SPAG17: variants seen among roughly 807,000 people sequenced by gnomAD.
SPAG17 encodes sperm associated antigen 17, also known as sperm-associated antigen 17.
In SPAG17, 169 loss-of-function variants were observed where a neutral mutation model predicts 273.6. That is an observed-to-expected ratio of 0.62 (90% CI 0.55 to 0.70). The LOEUF (loss-of-function observed/expected upper bound fraction) is 0.70, where lower values mean the gene tolerates loss of function less well. Among genes scored for constraint, SPAG17 ranks in the 30% least tolerant of loss-of-function variants. The pLI, the probability that SPAG17 is intolerant of heterozygous loss-of-function variation, is 0.00. For missense variants in SPAG17, 2,557 were observed against 2,627.8 expected (o/e 0.97, Z 0.59); for synonymous variants, 825 against 873.2 (o/e 0.94, Z 0.97).
rs1003955600 is a variant in SPAG17 at position 118,028,313 on chromosome 1, T to C, written c.3691A>G (p.Ser1231Gly). The change falls in exon 26 of 49, where the codon AGT (serine) becomes GGT (glycine). Residue 1231 changes from serine to glycine, a missense_variant. Transcript: ENST00000336338. Reference sequence around the variant, plus strand: ...CCAATGAAAGTCAACAGGAGCCCACTGGGGCAAGACACATTTAGGCTCTGG... The same window carrying C: ...CCAATGAAAGTCAACAGGAGCCCACCGGGGCAAGACACATTTAGGCTCTGG... ...TFQSLNVSCP[S>G]GLLLTFIGQE... The C allele has an allele frequency of 6.2e-7, 1 of 1,613,666 alleles. No homozygotes were observed.
At chr1:118,078,844 A>G (rs1427401094) in intron 15 of SPAG17, among the ~76,000 whole-genome samples, 1 of 151,982 alleles carries the variant, frequency 6.6e-6, no homozygotes, top group African/African-American at 2.4e-5. Context: ...TTTCTCACTA[A>G]TGTGTTAATT....
At chr1:118,019,735 T>C (rs1660323098) in intron 28 of SPAG17, among the ~76,000 whole-genome samples, 1 of 152,182 alleles carries the variant, frequency 6.6e-6, no homozygotes, top group African/African-American at 2.4e-5. Context: ...TAGATTATCC[T>C]CAAAGCAACA....
chr1:118,007,137 T>G (rs1341213310), intron 31 of SPAG17, among the ~76,000 whole-genome samples: 1 of 152,210 alleles, frequency 6.6e-6, no homozygotes, highest in African/African-American at 2.4e-5. Context: ...TTTGGCATCA[T>G]ATCTAAGAAA....
At chr1:117,967,483 T>C (rs1041762344) in intron 46 of SPAG17, among the ~76,000 whole-genome samples, 1 of 151,778 alleles carries the variant, frequency 6.6e-6, no homozygotes, top group African/African-American at 2.4e-5. Flanking sequence ...TAAAAAAAAA[T>C]CGCAAAAAAA....
intron 41 of SPAG17, 94 bp downstream of exon 41, chr1:117,984,589 A>G: frequency 1.3e-6 from 1 of 784,134 alleles, no homozygotes; most frequent in Non-Finnish European, 2.1e-6. Flanking sequence ...AAAGAATTAA[A>G]CAGCATCAGG....
chr1:117,960,345 C>T (rs528845203), intron 48 of SPAG17: 18 of 152,092 alleles, frequency 1.2e-4, no homozygotes, highest in Non-Finnish European at 1.5e-4. Flanking sequence ...ATACTGTATT[C>T]TTAAAGTAAG....
chr1:117,964,036 A>G, intron 47 of SPAG17, 98 bp from the exon 48 acceptor site: 3 of 1,374,900 alleles, frequency 2.2e-6, no homozygotes, highest in Admixed American at 4.2e-5. Context: ...TTCTCTGGCA[A>G]CATCAGTTCA....
intron 44 of SPAG17, among the ~76,000 whole-genome samples, chr1:117,972,765 A>G (rs1654707939): frequency 8.5e-6 from 1 of 118,204 alleles, no homozygotes; most frequent in Non-Finnish European, 1.8e-5. Context: ...TGAACACAGT[A>G]TGCCATGGAA....
At chr1:118,084,794 G>A (rs932145072) in intron 13 of SPAG17, among the ~76,000 whole-genome samples, 1 of 152,108 alleles carries the variant, frequency 6.6e-6, no homozygotes, top group South Asian at 2.1e-4. Context: ...TGGGTATCCA[G>A]AGACCAGAAT....
intron 3 of SPAG17, among the ~76,000 whole-genome samples, chr1:118,141,606 A>G (rs943686563): frequency 1.3e-5 from 2 of 152,074 alleles, no homozygotes; most frequent in Non-Finnish European, 2.9e-5. Flanking sequence ...CTAGACTATT[A>G]GAAGAACTGA....
chr1:118,011,924 T>C (rs1192243372), intron 30 of SPAG17, among the ~76,000 whole-genome samples: 2 of 152,024 alleles, frequency 1.3e-5, no homozygotes, highest in Non-Finnish European at 2.9e-5. Flanking sequence ...ATTGAGTCAT[T>C]TTGCAATGTA....
At chr1:118,168,611 T>C (rs1452026251) in intron 1 of SPAG17, among the ~76,000 whole-genome samples, 2 of 152,210 alleles carry the variant, frequency 1.3e-5, no homozygotes, top group African/African-American at 2.4e-5. Context: ...TTCAAAATTC[T>C]AAACTTTTGC....
At chr1:117,966,827 G>A in intron 46 of SPAG17, 74 bp from the exon 47 acceptor site, 1 of 1,322,622 alleles carries the variant, frequency 7.6e-7, no homozygotes, top group Non-Finnish European at 1.0e-6. Context: ...ATGAATTTGA[G>A]CAAGTTACTT....
chr1:118,172,725 G>T (rs1660476576), intron 1 of SPAG17, among the ~76,000 whole-genome samples: 1 of 152,056 alleles, frequency 6.6e-6, no homozygotes, highest in African/African-American at 2.4e-5. Context: ...TTTACGTCTG[G>T]TCTATGGATA....
chr1:118,145,939 T>C (rs1658963064), intron 3 of SPAG17, among the ~76,000 whole-genome samples: 1 of 152,050 alleles, frequency 6.6e-6, no homozygotes, highest in South Asian at 2.1e-4. Context: ...ATGCGTCTTT[T>C]ATAAATAAGT....
chr1:118,159,792 G>C (rs935618518), intron 1 of SPAG17, among the ~76,000 whole-genome samples: 15 of 152,084 alleles, frequency 9.9e-5, no homozygotes, highest in South Asian at 2.1e-4. Flanking sequence ...TTTTAAGACA[G>C]CTATTAAAAC....
At chr1:118,123,186 C>G (rs532816801) in intron 3 of SPAG17, among the ~76,000 whole-genome samples, 314 of 152,296 alleles carry the variant, frequency 2.1e-3, no homozygotes, top group African/African-American at 7.3e-3. Context: ...TCCCTCTGCT[C>G]CCTTCCCTCC....
chr1:118,153,096 G>T (rs1306900475), intron 1 of SPAG17, among the ~76,000 whole-genome samples: 5 of 152,156 alleles, frequency 3.3e-5, no homozygotes, highest in African/African-American at 1.2e-4. Context: ...TCTTTGGGGG[G>T]CAACTGAGAA....
chr1:117,996,242 T>A (rs1417526168), intron 34 of SPAG17, 128 bp downstream of exon 34: 1 of 1,117,704 alleles, frequency 8.9e-7, no homozygotes. Flanking sequence ...TCTGCTCTAC[T>A]TTCCAAAGTA....
Sources: gnomAD v4.1 joint callset for allele counts (sites outside exome capture counted in the v4.1 genomes callset) on GRCh38, gnomAD v4.1.1 for gene constraint, MANE v1.5 for transcripts, NCBI Gene and HGNC (gene_info 2026-07-23, HGNC 2026-07-21) for gene names.